The following ABCA6 variants were observed in gnomAD, a reference collection of about 807,000 sequenced individuals.
ABCA6 encodes ATP-binding cassette sub-family A member 6.
In ABCA6, 164 loss-of-function variants were observed where a neutral mutation model predicts 191.2. That is an observed-to-expected ratio of 0.86 (90% CI 0.76 to 0.98). The LOEUF (loss-of-function observed/expected upper bound fraction) is 0.98, where lower values mean the gene tolerates loss of function less well. Ranked by LOEUF, ABCA6 falls within the 50% of genes least tolerant of loss-of-function variation. The probability of loss-of-function intolerance (pLI) is 0.00; values close to 1 mark genes in which losing one functional copy is unlikely to be tolerated. For missense variants in ABCA6, 1,958 were observed against 1,894.1 expected, an observed-to-expected ratio of 1.03 and a Z score of -0.63; for synonymous variants, 636 against 647.7, an observed-to-expected ratio of 0.98 and a Z score of 0.27.
chr17:69,115,317 A>C (rs904198440), intron 12 of ABCA6, 59 bp downstream of exon 12: 1 of 1,240,954 alleles, frequency 8.1e-7, no homozygotes, highest in African/African-American at 1.5e-5. Flanking sequence ...TGAGAGGCAT[A>C]TGCTTGACCT....
At position 69,084,255 on chromosome 17, in the gene ABCA6, G is replaced by A. The variant is rs745972633; in HGVS notation, c.4355+6C>T. On this transcript the variant is annotated splice_donor_region_variant and intron_variant, in intron 34 of 38. Transcript: ENST00000284425. ...GCTCGCAGCTCTGGGGTATAATGAT[G>A]CTCACCACATTTGCTGCTGCCCTGT... The A allele has an allele frequency of 1.2e-6, 2 of 1,613,588 alleles. No individual in the cohort carries two copies. The highest frequency in any genetic ancestry group is 2.7e-5 in the African/African-American group (2 of 74,866).
chr17:69,117,390 T>C (rs1043738453), intron 11 of ABCA6, among the ~76,000 whole-genome samples: 10 of 152,040 alleles, frequency 6.6e-5, no homozygotes, highest in African/African-American at 2.4e-4. Context: ...ATGTCTGTTA[T>C]AGAAAACTGT....
chr17:69,093,375 C>A (rs189424320), intron 25 of ABCA6, among the ~76,000 whole-genome samples: 1 of 152,186 alleles, frequency 6.6e-6, no homozygotes, highest in Admixed American at 6.6e-5. Flanking sequence ...GAAACATTAA[C>A]CATATCTACT....
rs752682248 is a variant in ABCA6 at position 69,134,664 on chromosome 17, G to A, written c.539C>T (p.Thr180Ile). The A allele has an allele frequency of 6.2e-7, 1 of 1,613,340 alleles. No individual in the cohort carries two copies. Among genetic ancestry groups the A allele is most frequent in the East Asian group, 2.2e-5 (1 of 44,856 alleles). The change falls in exon 5 of 39, where the codon ACA becomes ATA. Residue 180 changes from threonine to isoleucine, a missense_variant. Transcript: ENST00000284425. Reference sequence around the variant, plus strand: ...TTCTATAATGGCAGTATTAATAGCTGTTTGTAAAGCCACAAATCCTCTATT... The same window carrying A: ...TTCTATAATGGCAGTATTAATAGCTATTTGTAAAGCCACAAATCCTCTATT... ...YWNRGFVALQTAINTAIIEIT... is the reference protein window; with the variant it reads ...YWNRGFVALQIAINTAIIEIT...
chr17:69,079,176 A>T, intron 38 of ABCA6, 34 bp downstream of exon 38: 1 of 1,598,582 alleles, frequency 6.3e-7, no homozygotes, highest in Non-Finnish European at 8.5e-7. Context: ...TGTGAAATTT[A>T]CCAGATGATA....
At chr17:69,081,546 C>T (rs543577615) in intron 36 of ABCA6, among the ~76,000 whole-genome samples, 8 of 152,062 alleles carry the variant, frequency 5.3e-5, no homozygotes, top group African/African-American at 1.9e-4. Flanking sequence ...TCTTACATTT[C>T]CAGCAATTTG....
intron 17 of ABCA6, chr17:69,110,428 A>C (rs906045347): frequency 5.1e-5 from 10 of 195,556 alleles, no homozygotes; most frequent in African/African-American, 2.4e-4. Flanking sequence ...CTTAATCAAC[A>C]ATGGATAGGG....
chr17:69,125,380 G>C (rs552027248), intron 8 of ABCA6, among the ~76,000 whole-genome samples: 2 of 151,798 alleles, frequency 1.3e-5, no homozygotes, highest in Non-Finnish European at 2.9e-5. Flanking sequence ...ATTCTTGGAC[G>C]CCTTTAATTA....
intron 27 of ABCA6, 122 bp from the exon 28 acceptor site, chr17:69,088,380 G>T: frequency 2.8e-6 from 2 of 703,538 alleles, no homozygotes; most frequent in Non-Finnish European, 2.2e-6. Flanking sequence ...TCATAAGCTG[G>T]GGGAGAAATG....
chr17:69,097,778 C>G (rs1312456620), intron 23 of ABCA6, 142 bp downstream of exon 23: 1 of 553,626 alleles, frequency 1.8e-6, no homozygotes, highest in Admixed American at 4.1e-5. Context: ...ATCTGACTTG[C>G]CAAGAATAAG....
chr17:69,089,460 C>T lies in ABCA6; in HGVS notation c.3606+5G>A. ...ATGTGTGCTGAGGTGGAAAGCCCTT[C>T]TTACTATGAAGCAGACTAGAAAATC... On this transcript the variant is annotated splice_donor_5th_base_variant and intron_variant, in intron 27 of 38. Coordinates refer to ENST00000284425, the MANE Select transcript of ABCA6 (RefSeq NM_080284.3). The T allele has an allele frequency of 1.9e-6, 3 of 1,613,438 alleles. No individual in the cohort carries two copies. Among genetic ancestry groups the T allele is most frequent in the Non-Finnish European group, 1.7e-6 (2 of 1,179,678 alleles).
At chr17:69,103,574 C>T (rs908984095) in intron 20 of ABCA6, among the ~76,000 whole-genome samples, 3 of 152,110 alleles carry the variant, frequency 2.0e-5, no homozygotes, top group South Asian at 2.1e-4. Flanking sequence ...CCGTGAAATA[C>T]GAGCTGAGAA....
At chr17:69,105,972 T>C (rs2073292646) in intron 19 of ABCA6, 56 bp downstream of exon 19, 1 of 1,508,516 alleles carries the variant, frequency 6.6e-7, no homozygotes, top group Middle Eastern at 1.8e-4. Flanking sequence ...TATCTTCTGG[T>C]TTGAACCTCT....
intron 22 of ABCA6, 80 bp from the exon 23 acceptor site, chr17:69,098,107 T>A: frequency 9.8e-7 from 1 of 1,021,492 alleles, no homozygotes; most frequent in East Asian, 2.9e-5. Context: ...AATGCACTTT[T>A]TGAAATGTTG....
At position 69,140,732 on chromosome 17, in the gene ABCA6, T is replaced by A; in HGVS notation, c.-29A>T. Reference sequence around the variant, plus strand: ...GCCTATTCGCTGAAGGAGAAAGTAATCATGGTGGAACACAACCTAGAAAAA... The same window carrying A: ...GCCTATTCGCTGAAGGAGAAAGTAAACATGGTGGAACACAACCTAGAAAAA... On this transcript the variant is annotated 5_prime_UTR_variant, in exon 2 of 39. Coordinates refer to ENST00000284425, the MANE Select transcript of ABCA6 (RefSeq NM_080284.3). 6.8e-7 allele frequency: 1 copy of A among 1,465,770 alleles called. No individual in the cohort carries two copies. Among genetic ancestry groups the A allele is most frequent in the Non-Finnish European group, 9.2e-7 (1 of 1,085,292 alleles). The allele number at this position is 1,465,770 out of a possible 1,614,324, so 90.8% of individuals were successfully genotyped here. A position where few individuals can be genotyped will look rare whatever the true frequency, so the allele number is the denominator to read the frequency against.
Position 69,091,251 on chromosome 17 carries a change from G to C in ABCA6, c.3420C>G (p.Ile1140Met). 2.5e-6 allele frequency: 4 copies of C among 1,611,004 alleles called. No individual in the cohort carries two copies. The highest frequency in any genetic ancestry group is 3.4e-6 in the Non-Finnish European group (4 of 1,179,360). ...WSFYFFFAST[I>M]MFSITLINHF... is the part of the protein sequence containing the mutation. ...GATTGATTAAAGTGATGGAAAACAT[G>C]ATGGTGGAGGCCTACAAGGCAAGTT... The change falls in exon 26 of 39, where the codon ATC (isoleucine) becomes ATG (methionine). Residue 1140 changes from isoleucine to methionine, a missense_variant. By Grantham distance (10) the Ile-to-Met change is conservative. Transcript: ENST00000284425.
At chr17:69,115,521 CA>C (rs778093053) in intron 11 of ABCA6, 35 bp from the exon 12 acceptor site, 6 of 1,532,848 alleles carry the variant, frequency 3.9e-6, no homozygotes, top group African/African-American at 1.4e-5. Flanking sequence ...AAATTATTAA[CA>C]GTATAAACAG....
rs554169279 is a variant in ABCA6, at chr17:69,135,123, C to T, written c.461-381G>A. ...CTCGAACTCCTGACCTCAGGTGATC[C>T]GTGCACCTCGGCCTCTCAAAGTGCT... is the stretch of plus-strand genomic sequence containing the variant. On this transcript the variant is annotated intron_variant, in intron 4 of 38. Coordinates refer to ENST00000284425, the MANE Select transcript of ABCA6 (RefSeq NM_080284.3). 11 of 190,554 alleles carry T rather than the reference C, an allele frequency of 5.8e-5. No individual in the cohort carries two copies. In the South Asian group the frequency reaches 9.6e-4, roughly 17 times the overall value. The allele number at this position is 190,554 out of a possible 1,614,324, so 11.8% of individuals were successfully genotyped here.
intron 6 of ABCA6, among the ~76,000 whole-genome samples, chr17:69,130,605 T>C (rs1401272294): frequency 6.6e-6 from 1 of 152,206 alleles, no homozygotes. Context: ...TTTTTTCTAT[T>C]ACAATGCCAA....
Sources: gnomAD v4.1 joint callset for allele counts (sites outside exome capture counted in the v4.1 genomes callset) on GRCh38, gnomAD v4.1.1 for gene constraint, MANE v1.5 for transcripts, NCBI Gene and HGNC (gene_info 2026-07-23, HGNC 2026-07-21) for gene names.